PCF11: variants seen among roughly 807,000 people sequenced by gnomAD.
The protein encoded by PCF11 is PCF11 cleavage and polyadenylation factor subunit, also known as pre-mRNA cleavage complex 2 protein Pcf11.
PCF11 carries 19 observed loss-of-function variants against 166.1 expected under a neutral mutation model. That is an observed-to-expected ratio of 0.11 (90% CI 0.08 to 0.17). The LOEUF is 0.17. Among genes scored for constraint, PCF11 ranks in the 10% least tolerant of loss-of-function variants. The pLI, the probability that PCF11 is intolerant of heterozygous loss-of-function variation, is 1.00. For missense variants in PCF11, 1,565 were observed against 1,855.5 expected (o/e 0.84, Z 2.88); for synonymous variants, 663 against 644.1 (o/e 1.03, Z -0.44).
exon 16 of PCF11, chr11:83,185,711 CTT>C (rs1283382855): frequency 1.3e-5 from 2 of 152,404 alleles, no homozygotes; most frequent in Non-Finnish European, 2.9e-5. Context: ...ATATGGTTAA[CTT>C]TTTTCTTTTG....
In PCF11 at chr11:83,167,041, T is replaced by G; in HGVS notation, c.1818-84T>G. On this transcript the variant is annotated intron_variant, in intron 5 of 15. Coordinates refer to ENST00000298281, the Ensembl canonical transcript of PCF11. This position sits in a 1 kb window ranked among gnomAD's most constrained non-coding sequence, Gnocchi z 4.2. ...GTTACATATGCCCATTTTAACCATA[T>G]CCTTTGAAAAGAATCTTTAAATATG... 1 of 1,114,240 alleles carries G rather than the reference T, an allele frequency of 9.0e-7. No individual in the cohort carries two copies. The highest frequency in any genetic ancestry group is 1.6e-5 in the South Asian group (1 of 64,002). The allele number at this position is 1,114,240 out of a possible 1,614,324, so 69.0% of individuals were successfully genotyped here.
exon 8 of PCF11, chr11:83,169,288 C>T: frequency 6.2e-7 from 1 of 1,611,824 alleles, no homozygotes; most frequent in African/African-American, 1.3e-5. Flanking sequence ...GTTTGAGGGT[C>T]CACATGGTCA....
chr11:83,170,578 T>C (rs1860653649), intron 8 of PCF11, among the ~76,000 whole-genome samples: 1 of 152,202 alleles, frequency 6.6e-6, no homozygotes, highest in African/African-American at 2.4e-5. Flanking sequence ...TTACGAAACA[T>C]GCACTGTTAC....
intron 1 of PCF11, among the ~76,000 whole-genome samples, chr11:83,160,338 TTTTTTGTCTTTTTTTTTTA>T (rs1860192009): frequency 1.4e-5 from 2 of 143,408 alleles, no homozygotes; most frequent in Non-Finnish European, 3.0e-5. Flanking sequence ...TTTTTTTTTT[TTTTTTGTCTTTTTTTTTTA>T]TTTTAAATCA....
chr11:83,182,392 A>G lies in PCF11; in HGVS notation c.4324-7A>G, dbSNP rs752306211. ...TGTAAATTTCATTTTATATGATTCT[A>G]TTTTAGAGTTGTGAAATCTGTCAAG... On this transcript the variant is annotated splice_polypyrimidine_tract_variant and splice_region_variant and intron_variant, in intron 13 of 15. Coordinates refer to ENST00000298281, the Ensembl canonical transcript of PCF11. 1.9e-5 allele frequency: 27 copies of G among 1,403,654 alleles called. No homozygotes were observed. Among genetic ancestry groups the G allele is most frequent in the East Asian group, 4.6e-5 (2 of 43,820 alleles). 86.9% of individuals were successfully genotyped at this position (1,403,654 alleles called of 1,614,324 possible).
rs369675392 is a variant in PCF11, at chr11:83,167,230, G to A, written c.1923G>A (p.Gln641=). The A allele has an allele frequency of 3.1e-6, 5 of 1,613,624 alleles. No homozygotes were observed. Among genetic ancestry groups the A allele is most frequent in the Middle Eastern group, 1.6e-4 (1 of 6,082 alleles). The stretch of plus-strand genomic sequence containing the variant: ...CACCTCGAGCCCCAAAGCAGCAACA[G>A]CATCGATTAAGTGTAGATGCCAATC... The change falls in exon 6 of 16, where the codon CAG becomes CAA. Residue 641 remains glutamine, a synonymous_variant. Transcript: ENST00000298281. This position sits in a 1 kb window ranked among gnomAD's most constrained non-coding sequence, Gnocchi z 4.2.
At chr11:83,177,689 T>C in intron 10 of PCF11, 25 bp from the exon 11 acceptor site, 1 of 1,244,900 alleles carries the variant, frequency 8.0e-7, no homozygotes, top group Non-Finnish European at 1.1e-6. Context: ...TATTAAGAAA[T>C]TTGTATGTCT....
intron 4 of PCF11, 137 bp from the exon 5 acceptor site, chr11:83,165,463 T>C: frequency 1.7e-6 from 1 of 602,874 alleles, no homozygotes; most frequent in Non-Finnish European, 2.7e-6. Context: ...AATTTATACA[T>C]TATAAGTGTA....
intron 9 of PCF11, among the ~76,000 whole-genome samples, chr11:83,175,181 G>T (rs1590933760): frequency 6.6e-6 from 1 of 152,126 alleles, no homozygotes; most frequent in Admixed American, 6.6e-5. Context: ...TTTTGTCCAG[G>T]CTGGAGTACA....
chr11:83,179,407 G>A (rs7111671), intron 11 of PCF11, among the ~76,000 whole-genome samples: 3 of 151,736 alleles, frequency 2.0e-5, no homozygotes, highest in South Asian at 2.1e-4. Context: ...CCATCACCAC[G>A]CCCAGCTAAT....
At chr11:83,157,391 G>A in exon 1 of PCF11, 1 of 1,548,028 alleles carries the variant, frequency 6.5e-7, no homozygotes, top group Non-Finnish European at 8.8e-7. Context: ...GGTATCCAGA[G>A]CGGCTTCAGC....
chr11:83,168,001 AT>A (rs796844114), intron 7 of PCF11, 103 bp downstream of exon 7: 91 of 897,664 alleles, frequency 1.0e-4, no homozygotes, highest in Non-Finnish European at 1.2e-4. Context: ...TCAGATTACC[AT>A]TTTTTTTCCC....
chr11:83,183,133 G>GTT, intron 15 of PCF11, 60 bp downstream of exon 15: 234 of 851,304 alleles, frequency 2.7e-4, no homozygotes, highest in South Asian at 4.5e-4. Context: ...TTACTTTTCA[G>GTT]TTTTTTTTTT....
At chr11:83,165,979 A>T (rs1330153661) in exon 5 of PCF11, 1 of 1,598,896 alleles carries the variant, frequency 6.3e-7, no homozygotes. Context: ...GACCAATTAG[A>T]TTCTAAATCG....
chr11:83,160,540 A>G (rs1014123465), intron 1 of PCF11, among the ~76,000 whole-genome samples: 8 of 151,914 alleles, frequency 5.3e-5, no homozygotes, highest in African/African-American at 1.5e-4. Context: ...GGAAAGGGCC[A>G]CCTGTATCAG....
intron 3 of PCF11, 145 bp from the exon 4 acceptor site, chr11:83,164,062 A>C (rs1860359102): frequency 3.2e-6 from 2 of 618,732 alleles, no homozygotes; most frequent in Non-Finnish European, 5.5e-6. Flanking sequence ...GTATTATGTA[A>C]CATTTATTTT....
At chr11:83,175,117 T>C (rs1590933728) in intron 9 of PCF11, among the ~76,000 whole-genome samples, 1 of 152,192 alleles carries the variant, frequency 6.6e-6, no homozygotes, top group South Asian at 2.1e-4. Flanking sequence ...CATAGTGACA[T>C]ACAAATACAT....
At chr11:83,182,055 ACT>A in intron 13 of PCF11, 46 bp downstream of exon 13, 1 of 1,503,866 alleles carries the variant, frequency 6.6e-7, no homozygotes, top group East Asian at 2.3e-5. Context: ...AGTGTCCCTC[ACT>A]TCCTTTATGT....
exon 8 of PCF11, chr11:83,169,707 T>G: frequency 1.2e-6 from 2 of 1,613,938 alleles, no homozygotes; most frequent in Non-Finnish European, 1.7e-6. Flanking sequence ...CACAAAGGCT[T>G]GAATCAGTAT....
Sources: gnomAD v4.1 joint callset for allele counts (sites outside exome capture counted in the v4.1 genomes callset) on GRCh38, gnomAD v4.1.1 for gene constraint, Gnocchi (gnomAD v3.1) non-coding constraint, MANE v1.5 for transcripts, NCBI Gene and HGNC (gene_info 2026-07-23, HGNC 2026-07-21) for gene names.